Variants in BABAM2 observed in about 807,000 individuals in gnomAD.
BABAM2 encodes BRISC and BRCA1 A complex member 2.
Under a neutral mutation model 54.7 loss-of-function variants are expected in BABAM2, and 31 were observed. That is an observed-to-expected ratio of 0.57 (90% CI 0.43 to 0.77). The LOEUF (loss-of-function observed/expected upper bound fraction) is 0.77. Ranked by LOEUF, BABAM2 falls within the 30% of genes least tolerant of loss-of-function variation. The pLI is 0.00. For synonymous variants in BABAM2, 167 were observed against 162.9 expected (o/e 1.03, Z -0.19); for missense variants, 364 against 455.8 (o/e 0.80, Z 1.83).
At chr2:28,123,900 G>T (rs750200223) in intron 6 of BABAM2, among the ~76,000 whole-genome samples, 1 of 152,124 alleles carries the variant, frequency 6.6e-6, no homozygotes, top group Non-Finnish European at 1.5e-5. Context: ...GAGTCATTCC[G>T]TTTGTTTGGA....
intron 6 of BABAM2, among the ~76,000 whole-genome samples, chr2:28,076,481 T>G (rs141609738): frequency 0.54 from 78,491 of 146,344 alleles, 22,577 homozygotes; most frequent in Non-Finnish European, 0.67. Context: ...TATTTATTTA[T>G]TTAGTTAGTT....
intron 6 of BABAM2, among the ~76,000 whole-genome samples, chr2:28,068,771 TCA>T (rs1663854763): frequency 6.6e-6 from 1 of 152,140 alleles, no homozygotes; most frequent in Non-Finnish European, 1.5e-5. Flanking sequence ...CCGTTGACTT[TCA>T]ACATATGGCC....
chr2:28,282,319 C>T (rs547793602), intron 10 of BABAM2, among the ~76,000 whole-genome samples: 9 of 152,290 alleles, frequency 5.9e-5, no homozygotes, highest in African/African-American at 2.2e-4. Context: ...AGACATCATA[C>T]TCCTCCTCTG....
chr2:27,935,697 G>C (rs886420575), intron 3 of BABAM2, among the ~76,000 whole-genome samples: 1 of 152,148 alleles, frequency 6.6e-6, no homozygotes, highest in Non-Finnish European at 1.5e-5. Flanking sequence ...AATTTTTCCT[G>C]AAGGGAAAAG....
At chr2:28,239,841 G>A (rs886622204) in intron 8 of BABAM2, among the ~76,000 whole-genome samples, 2 of 152,162 alleles carry the variant, frequency 1.3e-5, no homozygotes, top group African/African-American at 2.4e-5. Context: ...TAGGTTTTCC[G>A]CTGCTTCAGA....
chr2:28,270,301 TG>T (rs925750962), intron 10 of BABAM2, among the ~76,000 whole-genome samples: 132 of 152,258 alleles, frequency 8.7e-4, no homozygotes, highest in African/African-American at 2.9e-3. Context: ...TTTTATTTTT[TG>T]TAGAGACAGG....
chr2:28,287,382 A>G (rs1259580417), intron 10 of BABAM2, among the ~76,000 whole-genome samples: 1 of 152,202 alleles, frequency 6.6e-6, no homozygotes, highest in African/African-American at 2.4e-5. Context: ...AATGCTATTT[A>G]TGGTGTTCTC....
At chr2:28,023,640 T>C (rs1246962185) in intron 4 of BABAM2, among the ~76,000 whole-genome samples, 1 of 152,238 alleles carries the variant, frequency 6.6e-6, no homozygotes, top group Non-Finnish European at 1.5e-5. Context: ...CTGTTCATCA[T>C]CTTTATCTGA....
At chr2:27,961,722 C>CTTTT (rs5830058) in intron 3 of BABAM2, among the ~76,000 whole-genome samples, 2 of 99,066 alleles carry the variant, frequency 2.0e-5, no homozygotes, top group Admixed American at 1.1e-4. Context: ...CCTTAATTAT[C>CTTTT]TTTTTTTTTT....
At chr2:28,011,643 AT>A (rs1357036279) in intron 4 of BABAM2, among the ~76,000 whole-genome samples, 1 of 152,126 alleles carries the variant, frequency 6.6e-6, no homozygotes, top group African/African-American at 2.4e-5. Context: ...TAGGGAAGTC[AT>A]CTAGGGCAGA....
At chr2:27,936,539 G>A (rs1470959142) in intron 3 of BABAM2, among the ~76,000 whole-genome samples, 1 of 152,124 alleles carries the variant, frequency 6.6e-6, no homozygotes, top group Non-Finnish European at 1.5e-5. Flanking sequence ...CAAAGACTTG[G>A]AACCAACCCA....
chr2:28,191,000 C>T (rs1473052043), intron 7 of BABAM2, among the ~76,000 whole-genome samples: 2 of 152,044 alleles, frequency 1.3e-5, no homozygotes, highest in Admixed American at 6.6e-5. Flanking sequence ...CTTCAAGGCA[C>T]GGTTACAAAA....
chr2:28,198,381 C>T (rs768581576), intron 7 of BABAM2, among the ~76,000 whole-genome samples: 6 of 151,910 alleles, frequency 3.9e-5, no homozygotes, highest in Admixed American at 1.3e-4. Flanking sequence ...TTAGCCAGGA[C>T]GGTCTCAATC....
In BABAM2 at chr2:28,237,524, GTCTTA is replaced by G. The variant is rs572538799; in HGVS notation, c.780+228_780+232del. On this transcript the variant is annotated intron_variant, in intron 8 of 11. Transcript: ENST00000379624. ...CTAAGGATTCTGACCTCCTTTTCCA[GTCTTA>G]TCTTCATCTCTTAACTTTATGTCTG... Among the ~76,000 whole-genome samples, 516 of 152,024 alleles carry G rather than the reference GTCTTA, an allele frequency of 3.4e-3. 2 individuals are homozygous for G. Among genetic ancestry groups the G allele is most frequent in the African/African-American group, 0.012 (488 of 41,434 alleles).
chr2:27,975,473 T>A (rs1391422210), intron 3 of BABAM2, among the ~76,000 whole-genome samples: 3 of 152,042 alleles, frequency 2.0e-5, no homozygotes, highest in Non-Finnish European at 4.4e-5. Flanking sequence ...GGCACTTCAA[T>A]GGCAAAAGGA....
intron 7 of BABAM2, among the ~76,000 whole-genome samples, chr2:28,183,092 A>G (rs1293977272): frequency 2.0e-5 from 3 of 152,172 alleles, no homozygotes; most frequent in Admixed American, 6.5e-5. Flanking sequence ...TTTCTTAAGT[A>G]TATCATATTA....
At chr2:28,016,055 A>G in intron 4 of BABAM2, 1 of 713,762 alleles carries the variant, frequency 1.4e-6, no homozygotes, top group Admixed American at 2.2e-5. Context: ...TCTGACATGG[A>G]CCTTTCAGAA....
intron 3 of BABAM2, among the ~76,000 whole-genome samples, chr2:27,958,587 GT>G (rs935040904): frequency 1.3e-5 from 2 of 149,240 alleles, no homozygotes; most frequent in East Asian, 2.0e-4. Context: ...TGTATATTTA[GT>G]TTTTTTTTAA....
At chr2:28,181,143 A>G (rs1675582381) in intron 7 of BABAM2, among the ~76,000 whole-genome samples, 1 of 152,230 alleles carries the variant, frequency 6.6e-6, no homozygotes, top group Non-Finnish European at 1.5e-5. Flanking sequence ...AAGTATATCT[A>G]AGGAGATACC....
Sources: allele counts gnomAD v4.1 joint callset (sites outside exome capture counted in the v4.1 genomes callset), GRCh38; gene constraint gnomAD v4.1.1; transcripts MANE v1.5; gene names NCBI Gene and HGNC (gene_info 2026-07-23, HGNC 2026-07-21).